Variants in ROBO2 observed in about 807,000 individuals in gnomAD.
ROBO2 encodes the protein roundabout guidance receptor 2.
ROBO2 carries 53 observed loss-of-function variants against 160.8 expected under a neutral mutation model. The ratio of observed to expected loss-of-function variants is 0.33; its 90% CI spans 0.26 to 0.41. The LOEUF (loss-of-function observed/expected upper bound fraction) is 0.41, where lower values mean the gene tolerates loss of function less well. Among genes scored for constraint, ROBO2 ranks in the 10% least tolerant of loss-of-function variants. The probability of loss-of-function intolerance (pLI) is 1.00; values close to 1 mark genes in which losing one functional copy is unlikely to be tolerated. For missense variants in ROBO2, 1,577 were observed against 1,722.4 expected (o/e 0.92, Z 1.49); for synonymous variants, 664 against 611.7 (o/e 1.09, Z -1.26).
intron 2 of ROBO2, among the ~76,000 whole-genome samples, chr3:76,947,409 C>T (rs1348465923): frequency 6.6e-6 from 1 of 152,020 alleles, no homozygotes; most frequent in East Asian, 1.9e-4. Flanking sequence ...CTTCATTCTT[C>T]CTTGATTTAC....
chr3:77,114,512 T>C (rs1417744650), intron 2 of ROBO2, among the ~76,000 whole-genome samples: 2 of 152,216 alleles, frequency 1.3e-5, no homozygotes, highest in Non-Finnish European at 2.9e-5. Flanking sequence ...ATTTCCTTAA[T>C]CTTACATGTC....
intron 2 of ROBO2, among the ~76,000 whole-genome samples, chr3:75,948,444 T>C (rs760045695): frequency 3.0e-4 from 45 of 152,232 alleles, no homozygotes; most frequent in Non-Finnish European, 5.9e-4. Flanking sequence ...TCATTATTTA[T>C]GTGTGTATGG....
intron 2 of ROBO2, among the ~76,000 whole-genome samples, chr3:77,135,389 T>A (rs1355608793): frequency 6.6e-6 from 1 of 152,066 alleles, no homozygotes; most frequent in Non-Finnish European, 1.5e-5. Flanking sequence ...GAGAAATCAA[T>A]CTCTTTTTAA....
chr3:76,515,091 A>G (rs559567921), intron 2 of ROBO2, among the ~76,000 whole-genome samples: 1 of 152,224 alleles, frequency 6.6e-6, no homozygotes, highest in Non-Finnish European at 1.5e-5. Flanking sequence ...TCTGTTCTAC[A>G]ATAATAAACA....
chr3:77,188,968 T>TGA (rs1553828869), intron 2 of ROBO2, among the ~76,000 whole-genome samples: 1,465 of 142,244 alleles, frequency 0.01, 15 homozygotes, highest in African/African-American at 0.027. Flanking sequence ...TGTGTGTGTG[T>TGA]GAGAGAGAGA....
chr3:76,733,924 G>A (rs921278628), intron 2 of ROBO2, among the ~76,000 whole-genome samples: 5 of 152,130 alleles, frequency 3.3e-5, no homozygotes, highest in African/African-American at 1.2e-4. Flanking sequence ...TTTGTAACTA[G>A]GCATCTTTTT....
At chr3:76,154,443 C>A (rs925006812) in intron 2 of ROBO2, among the ~76,000 whole-genome samples, 17 of 152,066 alleles carry the variant, frequency 1.1e-4, no homozygotes, top group Non-Finnish European at 1.9e-4. Context: ...ACAACAAGTA[C>A]AGACTAATCA....
chr3:76,078,806 G>GT (rs1332694079), intron 2 of ROBO2, among the ~76,000 whole-genome samples: 2 of 152,104 alleles, frequency 1.3e-5, no homozygotes, highest in Non-Finnish European at 2.9e-5. Context: ...TCAATTTTTA[G>GT]TTTTTTGAGG....
intron 2 of ROBO2, among the ~76,000 whole-genome samples, chr3:77,392,729 G>C (rs2074866876): frequency 1.3e-5 from 2 of 152,164 alleles, no homozygotes; most frequent in Admixed American, 1.3e-4. Context: ...GAGATGAACA[G>C]CAAATCCTTG....
chr3:76,023,142 C>T (rs960377276), intron 2 of ROBO2, among the ~76,000 whole-genome samples: 3 of 151,754 alleles, frequency 2.0e-5, no homozygotes, highest in African/African-American at 7.2e-5. Context: ...TTGAAGATAA[C>T]TTGGGCCTTG....
At chr3:77,332,080 C>T (rs2066027199) in intron 2 of ROBO2, among the ~76,000 whole-genome samples, 1 of 152,130 alleles carries the variant, frequency 6.6e-6, no homozygotes, top group Admixed American at 6.6e-5. Context: ...TACTTAAAAA[C>T]TCTGAAATGG....
At chr3:76,497,760 G>A (rs777103740) in intron 2 of ROBO2, among the ~76,000 whole-genome samples, 1 of 152,160 alleles carries the variant, frequency 6.6e-6, no homozygotes, top group Non-Finnish European at 1.5e-5. Context: ...AAAAGACTCA[G>A]GTTTCCCAAA....
chr3:77,252,816 A>AAAG (rs1236782837), intron 2 of ROBO2, among the ~76,000 whole-genome samples: 3 of 70,184 alleles, frequency 4.3e-5, no homozygotes, highest in Non-Finnish European at 6.4e-5. Context: ...TCAAAAAAAA[A>AAAG]AAAAAAAAAA....
At chr3:76,927,022 C>A (rs1379448891) in intron 2 of ROBO2, among the ~76,000 whole-genome samples, 1 of 151,942 alleles carries the variant, frequency 6.6e-6, no homozygotes, top group African/African-American at 2.4e-5. Context: ...CGCTGTGGAA[C>A]ACATGAGATT....
At chr3:76,939,587 T>A (rs1485666992) in intron 2 of ROBO2, among the ~76,000 whole-genome samples, 1 of 152,118 alleles carries the variant, frequency 6.6e-6, no homozygotes, top group African/African-American at 2.4e-5. Flanking sequence ...GAGACCAGCC[T>A]GGACAACATG....
At chr3:76,883,062 C>T (rs545204146) in intron 2 of ROBO2, among the ~76,000 whole-genome samples, 2 of 152,208 alleles carry the variant, frequency 1.3e-5, no homozygotes, top group South Asian at 4.1e-4. Flanking sequence ...ACAAAAACAC[C>T]ATCATCACCC....
chr3:76,712,715 A>G lies in ROBO2; in HGVS notation c.110-385299A>G, dbSNP rs183763118. 1.6e-3 allele frequency among the ~76,000 whole-genome samples: 242 copies of G among 151,990 alleles called. 1 individual carries two copies. Among genetic ancestry groups the G allele is most frequent in the Non-Finnish European group, 1.9e-3 (128 of 67,954 alleles). On this transcript the variant is annotated intron_variant, in intron 2 of 26. Coordinates refer to the ROBO2 transcript ENST00000487694. ...ATAATAATTAAAAAAAATTTAAATG[A>G]AAAAAGCTCTATATTTAAATGAGGA...
intron 2 of ROBO2, among the ~76,000 whole-genome samples, chr3:76,544,776 T>C (rs981448613): frequency 6.6e-6 from 1 of 151,964 alleles, no homozygotes; most frequent in Non-Finnish European, 1.5e-5. Flanking sequence ...CACAATGACA[T>C]GATGCCCGTT....
chr3:76,501,257 G>T (rs2107641484), intron 2 of ROBO2, among the ~76,000 whole-genome samples: 1 of 152,280 alleles, frequency 6.6e-6, no homozygotes, highest in South Asian at 2.1e-4. Flanking sequence ...ATACTTCAGA[G>T]AAATGTCCAC....
Sources: gnomAD v4.1 joint callset for allele counts (sites outside exome capture counted in the v4.1 genomes callset) on GRCh38, gnomAD v4.1.1 for gene constraint, MANE v1.5 for transcripts, NCBI Gene and HGNC (gene_info 2026-07-23, HGNC 2026-07-21) for gene names.